The following FAM81B variants were observed in gnomAD, a reference collection of about 807,000 sequenced individuals.
FAM81B encodes protein FAM81B.
Under a neutral mutation model 58.7 loss-of-function variants are expected in FAM81B, and 60 were observed. The observed-to-expected ratio is 1.02, with a 90% CI of 0.83 to 1.27. The LOEUF is 1.27. Ranked by LOEUF, FAM81B falls within the 50% of genes most tolerant of loss-of-function variation. The pLI, the probability that FAM81B is intolerant of heterozygous loss-of-function variation, is 0.00. For synonymous variants in FAM81B, 189 were observed against 179.6 expected (o/e 1.05, Z -0.42); for missense variants, 491 against 522.0 (o/e 0.94, Z 0.58).
At chr5:95,399,141 G>A (rs1272953932) in intron 3 of FAM81B, among the ~76,000 whole-genome samples, 1 of 152,196 alleles carries the variant, frequency 6.6e-6, no homozygotes, top group Non-Finnish European at 1.5e-5. Flanking sequence ...GACAGCCAAA[G>A]AATGATATTT....
intron 7 of FAM81B, among the ~76,000 whole-genome samples, chr5:95,441,582 A>AATAT (rs1247555230): frequency 2.0e-5 from 3 of 152,024 alleles, no homozygotes; most frequent in Non-Finnish European, 4.4e-5. Flanking sequence ...TAAATAAATA[A>AATAT]ATATAAATAA....
At chr5:95,413,849 AAAT>A in intron 3 of FAM81B, 95 bp from the exon 4 acceptor site, 1 of 1,492,754 alleles carries the variant, frequency 6.7e-7, no homozygotes, top group Non-Finnish European at 8.9e-7. Context: ...CACAGGGCAA[AAAT>A]AAAGGATCAG....
At chr5:95,401,815 G>T (rs59235026) in intron 3 of FAM81B, among the ~76,000 whole-genome samples, 6,058 of 152,260 alleles carry the variant, frequency 0.04, 238 homozygotes, top group African/African-American at 0.1. Flanking sequence ...GAAGTGAGAG[G>T]CTCCATGTAC....
At chr5:95,425,263 TG>T (rs1762793691) in intron 5 of FAM81B, among the ~76,000 whole-genome samples, 1 of 151,142 alleles carries the variant, frequency 6.6e-6, no homozygotes, top group African/African-American at 2.4e-5. Context: ...ACTGTGACCA[TG>T]GAAAAAATGA....
intron 4 of FAM81B, among the ~76,000 whole-genome samples, chr5:95,415,339 AT>A (rs1455140072): frequency 1.3e-5 from 2 of 152,236 alleles, no homozygotes; most frequent in Non-Finnish European, 2.9e-5. Flanking sequence ...TTTTATTAAA[AT>A]TATGGGATTG....
chr5:95,412,481 T>A (rs1164202247), intron 3 of FAM81B, among the ~76,000 whole-genome samples: 1 of 152,198 alleles, frequency 6.6e-6, no homozygotes, highest in Non-Finnish European at 1.5e-5. Flanking sequence ...TAAAATTTCC[T>A]AAAATGTCAT....
Position 95,414,246 on chromosome 5 carries a change from G to C in FAM81B, c.537+56G>C, listed in dbSNP as rs1762480872. ...GTTTTGTATTTTGGCAGCATTGCTT[G>C]ATAAAGATTATCAACCATCAGTGTC... On this transcript the variant is annotated intron_variant, in intron 4 of 9. Coordinates refer to ENST00000283357, the MANE Select transcript of FAM81B (RefSeq NM_152548.3). 1.6e-5 allele frequency: 24 copies of C among 1,536,712 alleles called. No homozygotes were observed. The South Asian group carries it at 2.7e-4, about 17-fold the overall frequency.
At chr5:95,430,734 CAG>C (rs1205433038) in intron 6 of FAM81B, among the ~76,000 whole-genome samples, 3 of 151,964 alleles carry the variant, frequency 2.0e-5, no homozygotes, top group Admixed American at 6.6e-5. Flanking sequence ...GAGAATTAAG[CAG>C]AGAGAGTACA....
intron 5 of FAM81B, among the ~76,000 whole-genome samples, chr5:95,423,664 G>A (rs752621527): frequency 1.3e-5 from 2 of 151,826 alleles, no homozygotes; most frequent in Non-Finnish European, 2.9e-5. Context: ...AGAGAGGGCA[G>A]AATAAAAACC....
intron 2 of FAM81B, among the ~76,000 whole-genome samples, chr5:95,393,805 C>T (rs1325943742): frequency 6.6e-6 from 1 of 152,064 alleles, no homozygotes; most frequent in African/African-American, 2.4e-5. Flanking sequence ...GAACGTATTT[C>T]ATAGCCCATA....
intron 5 of FAM81B, among the ~76,000 whole-genome samples, chr5:95,427,113 T>C (rs998670941): frequency 6.6e-6 from 1 of 152,116 alleles, no homozygotes; most frequent in African/African-American, 2.4e-5. Context: ...ATGGTCTATC[T>C]GACACCAGAA....
intron 3 of FAM81B, among the ~76,000 whole-genome samples, chr5:95,398,483 ATTG>A (rs1273713488): frequency 6.6e-6 from 1 of 152,156 alleles, no homozygotes; most frequent in Non-Finnish European, 1.5e-5. Context: ...CATAGTTTTC[ATTG>A]GGTGACAACA....
chr5:95,415,392 G>A (rs1582800633), intron 4 of FAM81B, among the ~76,000 whole-genome samples: 1 of 152,192 alleles, frequency 6.6e-6, no homozygotes, highest in East Asian at 1.9e-4. Context: ...TTAAGGGCAA[G>A]GATATTGATT....
chr5:95,441,345 C>A (rs1303058146), intron 7 of FAM81B, among the ~76,000 whole-genome samples: 3 of 152,050 alleles, frequency 2.0e-5, no homozygotes, highest in Admixed American at 6.6e-5. Context: ...CCAAGGCGGG[C>A]AGATCACGAG....
At chr5:95,438,796 A>G (rs959222106) in intron 7 of FAM81B, among the ~76,000 whole-genome samples, 1 of 151,300 alleles carries the variant, frequency 6.6e-6, no homozygotes, top group African/African-American at 2.4e-5. Flanking sequence ...AAAAAAAAAA[A>G]AAAAACCAAC....
intron 3 of FAM81B, among the ~76,000 whole-genome samples, chr5:95,407,944 A>G (rs929217769): frequency 6.6e-6 from 1 of 152,200 alleles, no homozygotes; most frequent in Non-Finnish European, 1.5e-5. Context: ...CAGGAATTCT[A>G]GGATAGTTCA....
rs1343565899 is a variant in FAM81B, at chr5:95,446,661, T to C, written c.993T>C (p.His331=). 3.7e-6 allele frequency: 6 copies of C among 1,611,018 alleles called. No individual in the cohort carries two copies. In the Admixed American group the frequency reaches 5.1e-5, roughly 14 times the overall value. The change falls in exon 8 of 10, where the codon CAT becomes CAC. Residue 331 remains histidine (H), a synonymous_variant. Coordinates refer to ENST00000283357, the MANE Select transcript of FAM81B (RefSeq NM_152548.3). ...FLKYRKDHLG[H]INECLKVLQE... ...AATATAGAAAAGACCACCTGGGCCA[T>C]ATAAATGAATGTCTGAAGGTCCTAC...
intron 8 of FAM81B, among the ~76,000 whole-genome samples, chr5:95,447,545 G>A (rs377643627): frequency 2.6e-5 from 4 of 152,194 alleles, no homozygotes; most frequent in African/African-American, 9.7e-5. Context: ...GTTATACGCA[G>A]CACTAGGTAA....
chr5:95,434,829 T>C (rs1252166519), intron 6 of FAM81B, among the ~76,000 whole-genome samples: 1 of 152,278 alleles, frequency 6.6e-6, no homozygotes, highest in African/African-American at 2.4e-5. Context: ...ATGTTTCCAT[T>C]ATCTTCTCCT....
Sources: gnomAD v4.1 joint callset for allele counts (sites outside exome capture counted in the v4.1 genomes callset) on GRCh38, gnomAD v4.1.1 for gene constraint, MANE v1.5 for transcripts, NCBI Gene and HGNC (gene_info 2026-07-23, HGNC 2026-07-21) for gene names.